RBL1: variants seen among roughly 807,000 people sequenced by gnomAD.
RBL1 encodes RB transcriptional corepressor like 1.
In RBL1, 82 loss-of-function variants were observed where a neutral mutation model predicts 123.0. The ratio of observed to expected loss-of-function variants is 0.67; its 90% CI spans 0.56 to 0.80. The LOEUF (loss-of-function observed/expected upper bound fraction) is 0.80. Among genes scored for constraint, RBL1 ranks in the 30% least tolerant of loss-of-function variants. The pLI is 0.00. For missense variants in RBL1, 1,171 were observed against 1,299.6 expected (o/e 0.90, Z 1.52); for synonymous variants, 405 against 441.3 (o/e 0.92, Z 1.03).
chr20:37,077,037 A>G (rs2065375373), intron 2 of RBL1, among the ~76,000 whole-genome samples: 1 of 151,732 alleles, frequency 6.6e-6, no homozygotes, highest in Non-Finnish European at 1.5e-5. Flanking sequence ...TCCGGGTTCA[A>G]GCAATTTTCC....
intron 16 of RBL1, among the ~76,000 whole-genome samples, chr20:37,023,644 T>C (rs556870300): frequency 2.4e-4 from 36 of 152,320 alleles, no homozygotes; most frequent in African/African-American, 8.7e-4. Context: ...TACAAAGTTG[T>C]TGTTTTTTTT....
At chr20:37,061,370 T>C in intron 8 of RBL1, 101 bp from the exon 9 acceptor site, 5 of 1,414,248 alleles carry the variant, frequency 3.5e-6, no homozygotes, top group Admixed American at 2.7e-5. Flanking sequence ...ATATTTGTAA[T>C]ATCCATGAAA....
At position 37,033,947 on chromosome 20, in the gene RBL1, CTTTTTTT is replaced by C. The variant is rs201186362; in HGVS notation, c.2171-1078_2171-1072del. On this transcript the variant is annotated intron_variant, in intron 15 of 21. Transcript: ENST00000373664. ...CGGGCCCCCTTTTTTTTTTCTTTTT[CTTTTTTT>C]TTTTGACAATGTCTTGCTCTGTTGT... Among the ~76,000 whole-genome samples, 11 of 139,414 alleles carry C rather than the reference CTTTTTTT, an allele frequency of 7.9e-5. No individual in the cohort carries two copies. In the Admixed American group the frequency reaches 8.0e-4, roughly 10 times the overall value. 91.5% of individuals were successfully genotyped at this position (139,414 alleles called of 152,430 possible).
At chr20:37,016,424 G>T (rs760828779) in intron 19 of RBL1, among the ~76,000 whole-genome samples, 8 of 152,134 alleles carry the variant, frequency 5.3e-5, no homozygotes, top group Non-Finnish European at 1.2e-4. Flanking sequence ...ATCCTCAAAC[G>T]GAGTCAGATT....
chr20:37,010,617 T>C (rs2064134640), intron 19 of RBL1, among the ~76,000 whole-genome samples: 2 of 152,202 alleles, frequency 1.3e-5, no homozygotes, highest in African/African-American at 4.8e-5. Context: ...CAGGCAATTG[T>C]ATCACAATGG....
Position 37,061,126 on chromosome 20 carries a change from A to T in RBL1, c.1227T>A (p.Ser409Arg), listed in dbSNP as rs761367161. 4.4e-6 allele frequency: 7 copies of T among 1,607,770 alleles called. No individual in the cohort carries two copies. The highest frequency in any genetic ancestry group is 4.2e-6 in the Non-Finnish European group (5 of 1,176,842). Residue 409 changes from serine (S) to arginine (R), a missense_variant, in exon 9 of 22, where the codon AGT becomes AGA. Coordinates refer to ENST00000373664, the MANE Select transcript of RBL1 (RefSeq NM_002895.5). Reference sequence around the variant, plus strand: ...ACTCAAAAATATTTATAAGTTGGTCACTTGGTGCATTTTTCAGACCAGCCA... The same window carrying T: ...ACTCAAAAATATTTATAAGTTGGTCTCTTGGTGCATTTTTCAGACCAGCCA... ...SIVAGLKNAP[S>R]DQLINIFESC...
chr20:37,066,252 G>C (rs2065174477), intron 6 of RBL1, among the ~76,000 whole-genome samples: 1 of 152,182 alleles, frequency 6.6e-6, no homozygotes, highest in Non-Finnish European at 1.5e-5. Flanking sequence ...ACAATGTCCA[G>C]AATGCACACA....
intron 8 of RBL1, 116 bp downstream of exon 8, chr20:37,061,968 T>C (rs1449626166): frequency 1.2e-5 from 14 of 1,189,890 alleles, no homozygotes; most frequent in Non-Finnish European, 1.5e-5. Context: ...TCATGAGAAA[T>C]ATGAATTAGT....
intron 19 of RBL1, among the ~76,000 whole-genome samples, chr20:37,016,769 A>C (rs73289805): frequency 4.6e-5 from 7 of 151,894 alleles, no homozygotes; most frequent in African/African-American, 1.7e-4. Context: ...TCTACAAAAA[A>C]TTAGTTGGGT....
chr20:37,033,018 C>CTTTTT, intron 15 of RBL1, 142 bp from the exon 16 acceptor site: 2 of 900,342 alleles, frequency 2.2e-6, no homozygotes, highest in Non-Finnish European at 3.0e-6. Flanking sequence ...TGACTGAATT[C>CTTTTT]TTTTTTTTTT....
intron 15 of RBL1, among the ~76,000 whole-genome samples, chr20:37,033,354 A>T (rs2064546381): frequency 6.7e-6 from 1 of 149,176 alleles, no homozygotes; most frequent in Non-Finnish European, 1.5e-5. Flanking sequence ...GCTAATTTTT[A>T]AAATATTTTT....
intron 2 of RBL1, among the ~76,000 whole-genome samples, chr20:37,071,400 A>G (rs896783547): frequency 2.2e-4 from 34 of 152,170 alleles, no homozygotes; most frequent in African/African-American, 7.7e-4. Context: ...TCATGCCTGT[A>G]ATCCCAACAC....
At chr20:37,024,381 T>C (rs2064389117) in intron 16 of RBL1, among the ~76,000 whole-genome samples, 1 of 152,196 alleles carries the variant, frequency 6.6e-6, no homozygotes, top group Non-Finnish European at 1.5e-5. Flanking sequence ...AGATAAGATA[T>C]ATAGTCCTAG....
rs1211357984 is a variant in RBL1 at position 37,056,235 on chromosome 20, T to A, written c.1274A>T (p.Glu425Val). The A allele has an allele frequency of 1.2e-6, 2 of 1,608,602 alleles. No homozygotes were observed. The highest frequency in any genetic ancestry group is 1.7e-6 in the Non-Finnish European group (2 of 1,178,930). Reference sequence around the variant, plus strand: ...TCCTTTTAGTATTTTCATAATGTTTTCCACAGGATTACGCACACAAGATCT... The same window carrying A: ...TCCTTTTAGTATTTTCATAATGTTTACCACAGGATTACGCACACAAGATCT... ...IFESCVRNPV[E>V]NIMKILKGIG... is the part of the protein sequence containing the mutation. Residue 425 changes from glutamate (E) to valine (V), a missense_variant, in exon 10 of 22, where the codon GAA becomes GTA. Coordinates refer to ENST00000373664, the MANE Select transcript of RBL1 (RefSeq NM_002895.5).
At chr20:37,071,485 G>A (rs756122276) in intron 2 of RBL1, among the ~76,000 whole-genome samples, 26 of 152,004 alleles carry the variant, frequency 1.7e-4, no homozygotes, top group South Asian at 6.2e-4. Context: ...GTGAGATCTC[G>A]TCTCTACAAA....
chr20:37,055,667 A>C lies in RBL1; in HGVS notation c.1364-11T>G. ...TGTTTACAGCAAAGTCTATCAGGGAAATACAGAGAAAACATGTGTTAATGA... is the reference window on the plus strand; with the variant it reads ...TGTTTACAGCAAAGTCTATCAGGGACATACAGAGAAAACATGTGTTAATGA... On this transcript the variant is annotated splice_polypyrimidine_tract_variant and intron_variant, in intron 10 of 21. Coordinates refer to ENST00000373664, the MANE Select transcript of RBL1 (RefSeq NM_002895.5). 1 of 1,591,612 alleles carries C rather than the reference A, an allele frequency of 6.3e-7. No individual in the cohort carries two copies. Among genetic ancestry groups the C allele is most frequent in the South Asian group, 1.1e-5 (1 of 87,284 alleles).
chr20:37,057,573 C>T (rs925515064), intron 9 of RBL1, among the ~76,000 whole-genome samples: 34 of 152,162 alleles, frequency 2.2e-4, no homozygotes, highest in Non-Finnish European at 3.8e-4. Context: ...TCTTGAGTTT[C>T]AGGAGTTCTT....
Position 37,044,155 on chromosome 20 carries a change from T to TG in RBL1, c.1700dup (p.Trp568MetfsTer22), listed in dbSNP as rs2064778527. On this transcript the variant is annotated frameshift_variant, in exon 13 of 22. Transcript: ENST00000373664. LOFTEE classifies it high-confidence loss of function. ...CCCACAGTGCAGAATCGTGACTCCA[T>TG]GCTAAACTCTCCAAAATCTGTTCTT... 6.2e-7 allele frequency: 1 copy of TG among 1,613,120 alleles called. No homozygotes were observed. The highest frequency in any genetic ancestry group is 8.5e-7 in the Non-Finnish European group (1 of 1,179,820).
intron 12 of RBL1, among the ~76,000 whole-genome samples, chr20:37,045,467 A>C (rs542722503): frequency 1.8e-4 from 27 of 152,152 alleles, no homozygotes; most frequent in South Asian, 4.2e-4. Context: ...TAAAAAAACA[A>C]AGGAGGCCGA....
Sources: allele counts gnomAD v4.1 joint callset (sites outside exome capture counted in the v4.1 genomes callset), GRCh38; gene constraint gnomAD v4.1.1; transcripts MANE v1.5; gene names NCBI Gene and HGNC (gene_info 2026-07-23, HGNC 2026-07-21).